The following PEBP4 variants were observed in gnomAD, a reference collection of about 807,000 sequenced individuals.
PEBP4 encodes phosphatidylethanolamine-binding protein 4.
In PEBP4, 22 loss-of-function variants were observed where a neutral mutation model predicts 23.9. The ratio of observed to expected loss-of-function variants is 0.92; its 90% CI spans 0.66 to 1.31. The LOEUF (loss-of-function observed/expected upper bound fraction) is 1.31, where lower values mean the gene tolerates loss of function less well. Ranked by LOEUF, PEBP4 falls within the 40% of genes most tolerant of loss-of-function variation. The pLI is 0.00. For synonymous variants in PEBP4, 112 were observed against 99.3 expected, an observed-to-expected ratio of 1.13 and a Z score of -0.76; for missense variants, 324 against 281.7, an observed-to-expected ratio of 1.15 and a Z score of -1.07.
At chr8:22,883,344 C>G (rs1808303089) in intron 3 of PEBP4, among the ~76,000 whole-genome samples, 2 of 152,178 alleles carry the variant, frequency 1.3e-5, no homozygotes, top group South Asian at 4.1e-4. Context: ...TGCCACATCA[C>G]CACTGCTTTG....
At position 22,924,531 on chromosome 8, in the gene PEBP4, T is replaced by C. The variant is rs7000315; in HGVS notation, c.131+3053A>G. 6.4e-3 allele frequency: 2,612 copies of C among 407,904 alleles called. 61 individuals carry two copies. Among genetic ancestry groups the C allele is most frequent in the African/African-American group, 0.05 (2,309 of 46,084 alleles). 25.3% of individuals were successfully genotyped at this position (407,904 alleles called of 1,614,324 possible). On this transcript the variant is annotated intron_variant, in intron 2 of 6. Coordinates refer to ENST00000256404, the MANE Select transcript of PEBP4 (RefSeq NM_144962.3). ...AAAGAAGATGAGAAACTAGACTAGT[T>C]TGTGCACCTCGTGGATCCGCACTAC...
At chr8:22,914,722 G>A (rs1036656359) in intron 3 of PEBP4, among the ~76,000 whole-genome samples, 1 of 152,248 alleles carries the variant, frequency 6.6e-6, no homozygotes, top group Non-Finnish European at 1.5e-5. Context: ...CTCTTCTGGA[G>A]TCAGATGGCA....
intron 1 of PEBP4, among the ~76,000 whole-genome samples, chr8:22,934,901 A>AAT (rs1321745889): frequency 6.6e-6 from 1 of 152,208 alleles, no homozygotes; most frequent in East Asian, 1.9e-4. Flanking sequence ...TAAGGACACA[A>AAT]ATAGATTGAA....
chr8:22,751,406 A>G (rs542406466), intron 4 of PEBP4, among the ~76,000 whole-genome samples: 2 of 152,166 alleles, frequency 1.3e-5, no homozygotes, highest in South Asian at 2.1e-4. Context: ...CTTGGGTCTG[A>G]TGTCCAGGAA....
intron 3 of PEBP4, among the ~76,000 whole-genome samples, chr8:22,854,337 A>C (rs925695249): frequency 1.8e-4 from 27 of 152,286 alleles, no homozygotes; most frequent in African/African-American, 6.0e-4. Context: ...AAATATGTAT[A>C]TTCACTACAT....
At chr8:22,813,055 T>C (rs1208870462) in intron 4 of PEBP4, among the ~76,000 whole-genome samples, 2 of 152,096 alleles carry the variant, frequency 1.3e-5, no homozygotes, top group Non-Finnish European at 2.9e-5. Flanking sequence ...AGCAGGGAGC[T>C]ATAATTCTTG....
rs556326361 is a variant in PEBP4 at position 22,741,195 on chromosome 8, C to T, written c.358-13975G>A. Among the ~76,000 whole-genome samples, 60 of 152,334 alleles carry T rather than the reference C, an allele frequency of 3.9e-4. 1 individual carries two copies. In the South Asian group the frequency reaches 0.012, roughly 30 times the overall value. On this transcript the variant is annotated intron_variant, in intron 4 of 6. Coordinates refer to ENST00000256404, the MANE Select transcript of PEBP4 (RefSeq NM_144962.3). ...CAGGCAACTTCCTCGGGTCTCCCTCCTCCGAGGTGCCCAAGCCAGCTGCCA... is the reference window on the plus strand; with the variant it reads ...CAGGCAACTTCCTCGGGTCTCCCTCTTCCGAGGTGCCCAAGCCAGCTGCCA...
intron 3 of PEBP4, among the ~76,000 whole-genome samples, chr8:22,888,898 TG>T (rs1301910485): frequency 1.8e-4 from 27 of 152,218 alleles, no homozygotes; most frequent in Non-Finnish European, 3.5e-4. Context: ...TCCGCTTTCC[TG>T]GCTAACCCAG....
At chr8:22,849,429 C>T (rs1272213242) in intron 3 of PEBP4, among the ~76,000 whole-genome samples, 1 of 152,178 alleles carries the variant, frequency 6.6e-6, no homozygotes, top group African/African-American at 2.4e-5. Context: ...AAGCTACCGA[C>T]CTGAGGTCAG....
At chr8:22,860,123 A>T (rs1807735621) in intron 3 of PEBP4, among the ~76,000 whole-genome samples, 2 of 128,902 alleles carry the variant, frequency 1.6e-5, no homozygotes. Flanking sequence ...TCTCAAAAAA[A>T]AAAAAAAAAG....
intron 4 of PEBP4, among the ~76,000 whole-genome samples, chr8:22,774,184 T>C (rs955043906): frequency 3.3e-5 from 5 of 152,202 alleles, no homozygotes; most frequent in African/African-American, 1.2e-4. Flanking sequence ...CTCTTGCTGC[T>C]CCTTTCTTTG....
At chr8:22,900,331 A>C (rs1016275269) in intron 3 of PEBP4, among the ~76,000 whole-genome samples, 1 of 152,156 alleles carries the variant, frequency 6.6e-6, no homozygotes, top group Non-Finnish European at 1.5e-5. Context: ...TTCTCCTTTG[A>C]TGCCCTTGGT....
intron 2 of PEBP4, among the ~76,000 whole-genome samples, chr8:22,926,942 G>A (rs1199162851): frequency 3.3e-5 from 5 of 152,138 alleles, no homozygotes; most frequent in Non-Finnish European, 5.9e-5. Context: ...TCCTCAGGAT[G>A]ACCCACAAGT....
intron 4 of PEBP4, among the ~76,000 whole-genome samples, chr8:22,770,242 C>T (rs970522431): frequency 1.7e-4 from 26 of 152,208 alleles, no homozygotes; most frequent in Admixed American, 7.9e-4. Flanking sequence ...GGTGGGCAGA[C>T]AGCAAGGAGC....
intron 3 of PEBP4, among the ~76,000 whole-genome samples, chr8:22,893,076 G>C (rs1808525258): frequency 6.6e-6 from 1 of 152,154 alleles, no homozygotes; most frequent in Non-Finnish European, 1.5e-5. Flanking sequence ...AGAAAACTGA[G>C]TCCAAAGAAA....
At chr8:22,918,913 A>ACACATG (rs1459465868) in intron 3 of PEBP4, among the ~76,000 whole-genome samples, 4 of 145,418 alleles carry the variant, frequency 2.8e-5, no homozygotes, top group Admixed American at 6.9e-5. Flanking sequence ...ATGGGTGTGC[A>ACACATG]TGCAAGTGTG....
intron 4 of PEBP4, among the ~76,000 whole-genome samples, chr8:22,729,428 C>T (rs1804686271): frequency 6.6e-6 from 1 of 152,240 alleles, no homozygotes; most frequent in Non-Finnish European, 1.5e-5. Context: ...GGGTCCCACC[C>T]AGAGTGAGGC....
At chr8:22,871,128 C>T (rs190608824) in intron 3 of PEBP4, among the ~76,000 whole-genome samples, 7 of 151,724 alleles carry the variant, frequency 4.6e-5, no homozygotes, top group Admixed American at 2.0e-4. Context: ...GGTGAGGGGT[C>T]GGGGGTGGGT....
At position 22,759,769 on chromosome 8, in the gene PEBP4, C is replaced by T. The variant is rs375478239; in HGVS notation, c.358-32549G>A. 4.7e-4 allele frequency among the ~76,000 whole-genome samples: 71 copies of T among 152,298 alleles called. 1 individual carries two copies. Among genetic ancestry groups the T allele is most frequent in the South Asian group, 1.5e-3 (7 of 4,826 alleles). On this transcript the variant is annotated intron_variant, in intron 4 of 6. Coordinates refer to ENST00000256404, the MANE Select transcript of PEBP4 (RefSeq NM_144962.3). ...CCCAGCCATGGAGACTGCTCCCTTC[C>T]GCGTACCCGTGCCGTCTCATGGCTG...
Sources: gnomAD v4.1 joint callset for allele counts (sites outside exome capture counted in the v4.1 genomes callset) on GRCh38, gnomAD v4.1.1 for gene constraint, MANE v1.5 for transcripts, NCBI Gene and HGNC (gene_info 2026-07-23, HGNC 2026-07-21) for gene names.